Variants in PIP5K1B observed in about 807,000 individuals in gnomAD.
The protein encoded by PIP5K1B is phosphatidylinositol-4-phosphate 5-kinase type 1 beta.
In PIP5K1B, 42 loss-of-function variants were observed where a neutral mutation model predicts 67.0. The observed-to-expected ratio is 0.63, with a 90% confidence interval of 0.49 to 0.81. PIP5K1B has a LOEUF of 0.81. Ranked by LOEUF, PIP5K1B falls within the 30% of genes least tolerant of loss-of-function variation. The pLI is 0.00. For synonymous variants in PIP5K1B, 214 were observed against 231.4 expected, an observed-to-expected ratio of 0.92 and a Z score of 0.68; for missense variants, 459 against 646.3, an observed-to-expected ratio of 0.71 and a Z score of 3.14.
At chr9:68,878,047 G>GTGTGTT (rs1394083504) in intron 6 of PIP5K1B, among the ~76,000 whole-genome samples, 2 of 151,748 alleles carry the variant, frequency 1.3e-5, no homozygotes, top group African/African-American at 4.8e-5. Flanking sequence ...GTGTGTGTGT[G>GTGTGTT]TGTGTGTTAG....
chr9:68,820,381 ATTC>A (rs1282753790), intron 3 of PIP5K1B, among the ~76,000 whole-genome samples: 2 of 152,228 alleles, frequency 1.3e-5, no homozygotes, highest in African/African-American at 4.8e-5. Flanking sequence ...GGAAGACTCT[ATTC>A]TAACACGGAC....
At chr9:68,961,164 T>C (rs182163428) in intron 14 of PIP5K1B, among the ~76,000 whole-genome samples, 2 of 149,344 alleles carry the variant, frequency 1.3e-5, no homozygotes, top group Admixed American at 1.3e-4. Flanking sequence ...GAGCCGAGAT[T>C]GCGCCACTGC....
intron 12 of PIP5K1B, among the ~76,000 whole-genome samples, chr9:68,932,281 C>T (rs1398782433): frequency 6.6e-6 from 1 of 152,148 alleles, no homozygotes. Context: ...TGTAGAAAAG[C>T]AGTTCTCAAA....
At chr9:68,712,052 C>T (rs538491203) in intron 1 of PIP5K1B, among the ~76,000 whole-genome samples, 1 of 152,294 alleles carries the variant, frequency 6.6e-6, no homozygotes, top group South Asian at 2.1e-4. Context: ...AAATGTGATT[C>T]CCCATGCTAG....
chr9:68,767,958 C>A (rs1830512555), intron 2 of PIP5K1B, among the ~76,000 whole-genome samples: 1 of 151,980 alleles, frequency 6.6e-6, no homozygotes, highest in South Asian at 2.1e-4. Flanking sequence ...AACTGACACA[C>A]ATTCCCAAAT....
intron 2 of PIP5K1B, among the ~76,000 whole-genome samples, chr9:68,748,613 C>CTTTTTTTT (rs58954806): frequency 2.2e-4 from 22 of 98,294 alleles, no homozygotes; most frequent in African/African-American, 3.8e-4. Context: ...GATTTCTTTT[C>CTTTTTTTT]TTTTTTTTTT....
At chr9:68,709,677 C>T (rs749280730) in intron 1 of PIP5K1B, among the ~76,000 whole-genome samples, 43 of 152,194 alleles carry the variant, frequency 2.8e-4, no homozygotes, top group Non-Finnish European at 4.3e-4. Context: ...CATGGGAGGC[C>T]GAGGTGGGCG....
intron 2 of PIP5K1B, among the ~76,000 whole-genome samples, chr9:68,795,165 G>C (rs1214499579): frequency 2.0e-5 from 3 of 152,078 alleles, no homozygotes; most frequent in Non-Finnish European, 4.4e-5. Context: ...GAGAGAGAGA[G>C]AGCGTGTGTG....
At chr9:68,884,103 T>A (rs1245123788) in intron 6 of PIP5K1B, among the ~76,000 whole-genome samples, 1 of 152,148 alleles carries the variant, frequency 6.6e-6, no homozygotes, top group Non-Finnish European at 1.5e-5. Flanking sequence ...AGTGATTTCC[T>A]GAATGCAACC....
intron 4 of PIP5K1B, among the ~76,000 whole-genome samples, chr9:68,853,183 A>G (rs1473693808): frequency 6.6e-6 from 1 of 152,188 alleles, no homozygotes; most frequent in Non-Finnish European, 1.5e-5. Context: ...CCCAAACCCC[A>G]TGTGATCAGC....
intron 2 of PIP5K1B, among the ~76,000 whole-genome samples, chr9:68,755,986 C>T (rs1010707261): frequency 1.3e-5 from 2 of 152,188 alleles, no homozygotes; most frequent in Admixed American, 6.5e-5. Context: ...TGAAAGCTGG[C>T]CCTACTTTGC....
intron 5 of PIP5K1B, among the ~76,000 whole-genome samples, chr9:68,872,935 A>C (rs1413679333): frequency 1.3e-5 from 2 of 152,230 alleles, no homozygotes; most frequent in Non-Finnish European, 2.9e-5. Flanking sequence ...AACCATGTTC[A>C]CATATATTGT....
At chr9:68,718,985 T>G (rs1206838070) in intron 1 of PIP5K1B, among the ~76,000 whole-genome samples, 1 of 152,168 alleles carries the variant, frequency 6.6e-6, no homozygotes, top group Non-Finnish European at 1.5e-5. Flanking sequence ...CCATTGAAAC[T>G]GAAATTTTAA....
At chr9:68,745,313 T>C (rs940559718) in intron 2 of PIP5K1B, among the ~76,000 whole-genome samples, 1 of 152,168 alleles carries the variant, frequency 6.6e-6, no homozygotes, top group Admixed American at 6.5e-5. Flanking sequence ...TTCTCTCCTT[T>C]TAGCCACCAA....
chr9:68,847,381 C>T (rs1822243109), intron 4 of PIP5K1B, among the ~76,000 whole-genome samples: 2 of 149,444 alleles, frequency 1.3e-5, no homozygotes, highest in Admixed American at 6.8e-5. Flanking sequence ...CATCCCCTCT[C>T]ATTCCCTAAA....
chr9:68,766,589 A>G (rs1193730572), intron 2 of PIP5K1B, among the ~76,000 whole-genome samples: 1 of 152,220 alleles, frequency 6.6e-6, no homozygotes, highest in African/African-American at 2.4e-5. Context: ...TAAACATTGC[A>G]TTATGTAGAT....
intron 1 of PIP5K1B, among the ~76,000 whole-genome samples, chr9:68,723,700 T>TTG (rs1303332716): frequency 1.4e-5 from 2 of 147,088 alleles, no homozygotes; most frequent in African/African-American, 5.0e-5. Flanking sequence ...ATTTGGTTTT[T>TTG]TTTTTTTTTT....
intron 8 of PIP5K1B, among the ~76,000 whole-genome samples, chr9:68,904,155 C>A (rs758710922): frequency 2.0e-5 from 3 of 152,190 alleles, no homozygotes; most frequent in Non-Finnish European, 2.9e-5. Flanking sequence ...AGAATTTATA[C>A]CCAGGTCTCT....
At chr9:68,781,741 T>G (rs1831298201) in intron 2 of PIP5K1B, 1 of 166,842 alleles carries the variant, frequency 6.0e-6, no homozygotes, top group African/African-American at 2.4e-5. Context: ...AAATAAAATT[T>G]TTTCCTTTTT....
Sources: allele counts gnomAD v4.1 joint callset (sites outside exome capture counted in the v4.1 genomes callset), GRCh38; gene constraint gnomAD v4.1.1; transcripts MANE v1.5; gene names NCBI Gene and HGNC (gene_info 2026-07-23, HGNC 2026-07-21).